DEPDC1: variants seen among roughly 807,000 people sequenced by gnomAD.
The protein encoded by DEPDC1 is DEP domain-containing protein 1A.
In DEPDC1, 66 loss-of-function variants were observed where a neutral mutation model predicts 86.8. That is an observed-to-expected ratio of 0.76 (90% confidence interval 0.62 to 0.93). DEPDC1 has a LOEUF of 0.93. Among genes scored for constraint, DEPDC1 ranks in the 40% least tolerant of loss-of-function variants. DEPDC1 has a pLI of 0.00. For missense variants in DEPDC1, 792 were observed against 935.7 expected, an observed-to-expected ratio of 0.85 and a Z score of 2.00; for synonymous variants, 255 against 314.9, an observed-to-expected ratio of 0.81 and a Z score of 2.02.
intron 9 of DEPDC1, among the ~76,000 whole-genome samples, chr1:68,479,580 C>T (rs1646139751): frequency 6.6e-6 from 1 of 151,856 alleles, no homozygotes; most frequent in Non-Finnish European, 1.5e-5. Flanking sequence ...AGGTGAGAGG[C>T]TCACTTGAGG....
chr1:68,495,037 GA>G (rs1302755166), intron 1 of DEPDC1, among the ~76,000 whole-genome samples: 1 of 152,094 alleles, frequency 6.6e-6, no homozygotes, highest in Non-Finnish European at 1.5e-5. Flanking sequence ...AGCTACTCAG[GA>G]GGCTGAGTCA....
chr1:68,492,175 C>T (rs982541903), intron 2 of DEPDC1, among the ~76,000 whole-genome samples: 14 of 152,088 alleles, frequency 9.2e-5, no homozygotes, highest in African/African-American at 3.1e-4. Flanking sequence ...TTAGAATCTG[C>T]TTATCAAGTT....
chr1:68,491,269 T>C (rs886452357), intron 2 of DEPDC1, among the ~76,000 whole-genome samples: 5 of 152,192 alleles, frequency 3.3e-5, no homozygotes, highest in African/African-American at 7.2e-5. Flanking sequence ...GAGAAAATTT[T>C]TGCAAACTAT....
Position 68,489,020 on chromosome 1 carries a change from T to A in DEPDC1, c.486A>T (p.Lys162Asn), listed in dbSNP as rs1418805869. 2.5e-6 allele frequency: 4 copies of A among 1,599,964 alleles called. No homozygotes were observed. The African/African-American group carries it at 5.4e-5, about 21-fold the overall frequency. ...CTTCATTGATTATTTCATGCTTTAT[T>A]TTCTCGCCATTTTCCTGAAAAAAGG... ...GLHLSQENGEKIKHEIINEDQ... is the reference protein window; with the variant it reads ...GLHLSQENGENIKHEIINEDQ... The change falls in exon 4 of 12, where the codon AAA (lysine) becomes AAT (asparagine). Residue 162 changes from lysine (K) to asparagine (N), a missense_variant. By Grantham distance (94) the Lys-to-Asn change is moderately conservative. Coordinates refer to ENST00000456315, the MANE Select transcript of DEPDC1 (RefSeq NM_001114120.3).
intron 11 of DEPDC1, among the ~76,000 whole-genome samples, chr1:68,477,353 G>C (rs998911682): frequency 6.6e-6 from 1 of 151,492 alleles, no homozygotes; most frequent in Admixed American, 6.6e-5. Context: ...GAAGGGCATA[G>C]GCATCTAGTA....
In DEPDC1 at chr1:68,496,825, T is replaced by C. The variant is rs781654567; in HGVS notation, c.48+127A>G. 19 of 918,824 alleles carry C rather than the reference T, an allele frequency of 2.1e-5. No individual in the cohort carries two copies. Among genetic ancestry groups the C allele is most frequent in the Middle Eastern group, 2.2e-4 (1 of 4,504 alleles). The allele number at this position is 918,824 out of a possible 1,614,324, so 56.9% of individuals were successfully genotyped here. A position where few individuals can be genotyped will look rare whatever the true frequency, so the allele number is the denominator to read the frequency against. Reference sequence around the variant, plus strand: ...TACTTCTCCTCGCCAGCCTTTTCACTGAACCTAGGGATCCTGGGACTCATC... The same window carrying C: ...TACTTCTCCTCGCCAGCCTTTTCACCGAACCTAGGGATCCTGGGACTCATC... On this transcript the variant is annotated intron_variant, in intron 1 of 11. Transcript: ENST00000456315. The surrounding 1 kb of genome is among the most constrained non-coding windows in gnomAD (Gnocchi z 4.0).
intron 1 of DEPDC1, among the ~76,000 whole-genome samples, chr1:68,494,947 A>T (rs1646255250): frequency 1.3e-5 from 2 of 152,186 alleles, no homozygotes; most frequent in Admixed American, 1.3e-4. Flanking sequence ...GTTCGAGACC[A>T]GCCTGACCAA....
chr1:68,477,905 G>A lies in DEPDC1; in HGVS notation c.2180C>T (p.Ala727Val), dbSNP rs771321046. ...PTYSYCKQISAQEFDEQKVST... is the reference protein window; with the variant it reads ...PTYSYCKQISVQEFDEQKVST... ...AACTTTTTGCTCATCAAACTCCTGAGCACTAATCTGCTTACAGTATGAGTA... is the reference window on the plus strand; with the variant it reads ...AACTTTTTGCTCATCAAACTCCTGAACACTAATCTGCTTACAGTATGAGTA... Residue 727 changes from alanine to valine, a missense_variant, in exon 11 of 12, where the codon GCT becomes GTT. Coordinates refer to ENST00000456315, the MANE Select transcript of DEPDC1 (RefSeq NM_001114120.3). 1 of 1,591,698 alleles carries A rather than the reference G, an allele frequency of 6.3e-7. No individual in the cohort carries two copies. The highest frequency in any genetic ancestry group is 1.3e-5 in the African/African-American group (1 of 74,426).
intron 6 of DEPDC1, 98 bp from the exon 7 acceptor site, chr1:68,484,188 C>T: frequency 2.2e-6 from 2 of 918,380 alleles, no homozygotes; most frequent in Non-Finnish European, 3.1e-6. Context: ...CATGAAGGAG[C>T]TAGGTTTAAC....
intron 2 of DEPDC1, among the ~76,000 whole-genome samples, chr1:68,490,303 T>C (rs891114714): frequency 3.3e-5 from 5 of 152,146 alleles, no homozygotes; most frequent in African/African-American, 9.7e-5. Flanking sequence ...CCAGTGTCTA[T>C]TGTTCCCCTC....
rs2100279950 is a variant in DEPDC1, at chr1:68,496,273, CA to C, written c.48+678del. The stretch of plus-strand genomic sequence containing the variant: ...GCAAGCATGTATTAGTAACCTTTAC[CA>C]ATGTGGAAACAGGCTCACAGAAGGT... On this transcript the variant is annotated intron_variant, in intron 1 of 11. Transcript: ENST00000456315. This position sits in a 1 kb window ranked among gnomAD's most constrained non-coding sequence, Gnocchi z 4.0. 6.6e-6 allele frequency among the ~76,000 whole-genome samples: 1 copy of C among 152,238 alleles called. No homozygotes were observed. Among genetic ancestry groups the C allele is most frequent in the African/African-American group, 2.4e-5 (1 of 41,538 alleles).
chr1:68,479,457 C>T (rs536759615), intron 9 of DEPDC1, 137 bp from the exon 10 acceptor site: 56 of 578,526 alleles, frequency 9.7e-5, no homozygotes, highest in African/African-American at 1.4e-4. Context: ...ATGAGGACAA[C>T]GATTTATACA....
chr1:68,492,771 A>G (rs1646238395), intron 2 of DEPDC1, among the ~76,000 whole-genome samples: 1 of 152,170 alleles, frequency 6.6e-6, no homozygotes, highest in Admixed American at 6.5e-5. Context: ...TTGGAGAGAG[A>G]TGTGTACAGA....
At chr1:68,479,647 T>C (rs985740200) in intron 9 of DEPDC1, among the ~76,000 whole-genome samples, 5 of 151,508 alleles carry the variant, frequency 3.3e-5, no homozygotes, top group African/African-American at 1.2e-4. Context: ...TATGAAGAAA[T>C]AAAAAACTAG....
intron 9 of DEPDC1, among the ~76,000 whole-genome samples, chr1:68,481,184 T>A (rs1337566677): frequency 6.6e-6 from 1 of 151,992 alleles, no homozygotes. Flanking sequence ...GGTCAATCAC[T>A]ATGAAGTGAT....
At position 68,482,114 on chromosome 1, in the gene DEPDC1, C is replaced by T. The variant is rs1264469911; in HGVS notation, c.1694G>A (p.Cys565Tyr). 37 of 1,610,390 alleles carry T rather than the reference C, an allele frequency of 2.3e-5. No homozygotes were observed. The highest frequency in any genetic ancestry group is 3.1e-5 in the Non-Finnish European group (36 of 1,178,572). ...ESSATINKRL[C>Y]KSTIELSENS... The stretch of plus-strand genomic sequence containing the variant: ...TTCTGAAAGTTCTATTGTACTTTTG[C>T]AGAGTCTTTTATTGATTGTGGCACT... Residue 565 changes from cysteine to tyrosine, a missense_variant, in exon 8 of 12, where the codon TGC becomes TAC. By Grantham distance (194) the Cys-to-Tyr change is radical. Coordinates refer to ENST00000456315, the MANE Select transcript of DEPDC1 (RefSeq NM_001114120.3).
intron 5 of DEPDC1, among the ~76,000 whole-genome samples, chr1:68,488,020 T>G (rs927509346): frequency 1.3e-5 from 2 of 151,850 alleles, no homozygotes. Flanking sequence ...ATGGACCATT[T>G]CTATCTTACT....
rs1332462539 is a variant in DEPDC1, at chr1:68,484,046, C to G, written c.814G>C (p.Glu272Gln). 3.8e-6 allele frequency: 6 copies of G among 1,585,576 alleles called. No homozygotes were observed. Among genetic ancestry groups the G allele is most frequent in the Non-Finnish European group, 4.3e-6 (5 of 1,168,748 alleles). The stretch of plus-strand genomic sequence containing the variant: ...GCGATTGTTCTGAATACATCTCGTT[C>G]AAATCCAACATAAGTTGGATTATTC... Reference protein sequence around the residue: ...DMNNPTYVGFERDVFRTIADY... With the variant: ...DMNNPTYVGFQRDVFRTIADY... The change falls in exon 7 of 12, where the codon GAA (glutamate) becomes CAA (glutamine). Residue 272 changes from glutamate (E) to glutamine (Q), a missense_variant. Physicochemically the swap from Glu to Gln is conservative, Grantham distance 29. Coordinates refer to ENST00000456315, the MANE Select transcript of DEPDC1 (RefSeq NM_001114120.3).
At chr1:68,479,075 G>A (rs1304567862) in intron 10 of DEPDC1, 69 bp downstream of exon 10, 2 of 1,346,528 alleles carry the variant, frequency 1.5e-6, no homozygotes, top group Non-Finnish European at 1.0e-6. Flanking sequence ...TTTTGATTAA[G>A]CTATTTTGAG....
Sources: gnomAD v4.1 joint callset for allele counts (sites outside exome capture counted in the v4.1 genomes callset) on GRCh38, gnomAD v4.1.1 for gene constraint, Gnocchi (gnomAD v3.1) non-coding constraint, MANE v1.5 for transcripts, NCBI Gene and HGNC (gene_info 2026-07-23, HGNC 2026-07-21) for gene names.